The following FHIT variants were observed in gnomAD, a reference collection of about 807,000 sequenced individuals.
The protein encoded by FHIT is bis(5'-adenosyl)-triphosphatase.
FHIT carries 19 observed loss-of-function variants against 17.9 expected under a neutral mutation model. That is an observed-to-expected ratio of 1.06 (90% CI 0.74 to 1.56). FHIT has a LOEUF of 1.56. Among genes scored for constraint, FHIT ranks in the 40% most tolerant of loss-of-function variants. FHIT has a pLI of 0.00. For missense variants in FHIT, 248 were observed against 189.2 expected, an observed-to-expected ratio of 1.31 and a Z score of -1.82; for synonymous variants, 81 against 69.7, an observed-to-expected ratio of 1.16 and a Z score of -0.81.
chr3:60,338,521 T>C (rs1393291951), intron 5 of FHIT, among the ~76,000 whole-genome samples: 3 of 152,180 alleles, frequency 2.0e-5, no homozygotes, highest in Non-Finnish European at 4.4e-5. Context: ...TTTACATCCA[T>C]AGTATATATG....
chr3:61,197,435 A>G (rs1344558766), intron 2 of FHIT, among the ~76,000 whole-genome samples: 1 of 152,184 alleles, frequency 6.6e-6, no homozygotes, highest in Non-Finnish European at 1.5e-5. Flanking sequence ...CATGCTATTT[A>G]TTCACAGTAG....
In FHIT at chr3:59,747,485, G is replaced by A. The variant is rs982162300; in HGVS notation, c.*2100C>T. Among the ~76,000 whole-genome samples, 1 of 152,112 alleles carries A rather than the reference G, an allele frequency of 6.6e-6. No homozygotes were observed. Among genetic ancestry groups the A allele is most frequent in the African/African-American group, 2.4e-5 (1 of 41,430 alleles). On this transcript the variant is annotated 3_prime_UTR_variant, in exon 10 of 10. Coordinates refer to ENST00000492590, the MANE Select transcript of FHIT (RefSeq NM_002012.4). The stretch of plus-strand genomic sequence containing the variant: ...TCCCACTGGGTCCCTCCCATGACAT[G>A]TGGGGATTATGGGAGCTACAATTCA...
chr3:61,041,093 A>T (rs533460400), intron 3 of FHIT, among the ~76,000 whole-genome samples: 83 of 152,282 alleles, frequency 5.5e-4, no homozygotes, highest in African/African-American at 1.9e-3. Flanking sequence ...TAAAATTTTC[A>T]AGACTGGCTG....
At chr3:60,724,045 T>G (rs1409031779) in intron 4 of FHIT, among the ~76,000 whole-genome samples, 1 of 152,360 alleles carries the variant, frequency 6.6e-6, no homozygotes, top group Non-Finnish European at 1.5e-5. Context: ...ATTCAAGATT[T>G]ATATTCATAG....
chr3:60,831,792 C>T (rs745765718), intron 3 of FHIT, among the ~76,000 whole-genome samples: 14 of 152,090 alleles, frequency 9.2e-5, no homozygotes, highest in African/African-American at 1.4e-4. Context: ...GATTCAAACA[C>T]GATTTTTTTG....
intron 3 of FHIT, among the ~76,000 whole-genome samples, chr3:61,041,462 G>C (rs530714684): frequency 1.3e-5 from 2 of 151,394 alleles, no homozygotes; most frequent in Non-Finnish European, 2.9e-5. Flanking sequence ...CATTCCTCTT[G>C]GGTCTCTTGA....
intron 5 of FHIT, among the ~76,000 whole-genome samples, chr3:60,166,885 C>T (rs953739151): frequency 3.9e-5 from 6 of 152,250 alleles, no homozygotes; most frequent in Middle Eastern, 3.4e-3. Flanking sequence ...CAGCAAGGGC[C>T]TTCAGAAACT....
At chr3:60,204,306 G>C (rs974405050) in intron 5 of FHIT, among the ~76,000 whole-genome samples, 1 of 152,136 alleles carries the variant, frequency 6.6e-6, no homozygotes, top group East Asian at 1.9e-4. Context: ...GTCTCAGTCT[G>C]TCACCCAGGC....
chr3:60,870,958 G>C (rs1704390061), intron 3 of FHIT, among the ~76,000 whole-genome samples: 2 of 152,046 alleles, frequency 1.3e-5, no homozygotes, highest in African/African-American at 4.8e-5. Flanking sequence ...TGGACCCCTT[G>C]GAGCATTTCC....
intron 2 of FHIT, among the ~76,000 whole-genome samples, chr3:61,106,715 G>T (rs891169258): frequency 3.9e-5 from 6 of 152,268 alleles, no homozygotes; most frequent in East Asian, 1.9e-4. Context: ...AGGCTGGAGT[G>T]AAGTGGCGCA....
chr3:60,802,396 T>C (rs1306541985), intron 4 of FHIT, among the ~76,000 whole-genome samples: 1 of 152,216 alleles, frequency 6.6e-6, no homozygotes, highest in Non-Finnish European at 1.5e-5. Context: ...TACTGTCAGA[T>C]ACATCATAAA....
chr3:61,175,622 C>T (rs145313981), intron 2 of FHIT, among the ~76,000 whole-genome samples: 2,979 of 152,064 alleles, frequency 0.02, 39 homozygotes, highest in Middle Eastern at 0.037. Flanking sequence ...GTCATGAGGG[C>T]GAGGCTCTCA....
At chr3:60,178,492 A>T (rs1701781535) in intron 5 of FHIT, among the ~76,000 whole-genome samples, 1 of 152,106 alleles carries the variant, frequency 6.6e-6, no homozygotes, top group Non-Finnish European at 1.5e-5. Flanking sequence ...AGACTGAGGC[A>T]GCAGAATCAC....
intron 5 of FHIT, among the ~76,000 whole-genome samples, chr3:60,309,847 C>T (rs754910141): frequency 2.6e-5 from 4 of 152,148 alleles, no homozygotes; most frequent in Admixed American, 6.5e-5. Flanking sequence ...GTCGCTCCCA[C>T]AGCCACAATG....
intron 8 of FHIT, among the ~76,000 whole-genome samples, chr3:59,883,568 C>G (rs982902970): frequency 6.6e-6 from 1 of 152,232 alleles, no homozygotes; most frequent in Admixed American, 6.5e-5. Context: ...CAGGGTCCGT[C>G]TCACAACACA....
At chr3:60,168,208 A>C (rs1211056071) in intron 5 of FHIT, among the ~76,000 whole-genome samples, 2 of 152,190 alleles carry the variant, frequency 1.3e-5, no homozygotes, top group African/African-American at 4.8e-5. Flanking sequence ...TGTTGGATGA[A>C]TGAATGAAAC....
chr3:60,663,652 G>A (rs2040315049), intron 4 of FHIT, among the ~76,000 whole-genome samples: 1 of 151,956 alleles, frequency 6.6e-6, no homozygotes, highest in South Asian at 2.1e-4. Context: ...GGCCAGGCTG[G>A]TCTCAAACTC....
chr3:60,759,974 CCTT>C (rs2108050677), intron 4 of FHIT, among the ~76,000 whole-genome samples: 1 of 151,856 alleles, frequency 6.6e-6, no homozygotes, highest in Non-Finnish European at 1.5e-5. Context: ...TGCCTTTCTC[CCTT>C]CTTTTCTTTC....
At chr3:59,876,024 T>G (rs1032438949) in intron 8 of FHIT, among the ~76,000 whole-genome samples, 9 of 151,916 alleles carry the variant, frequency 5.9e-5, no homozygotes, top group Non-Finnish European at 1.2e-4. Flanking sequence ...TATTCCAGTA[T>G]AGAGACACAG....
Sources: gnomAD v4.1 joint callset for allele counts (sites outside exome capture counted in the v4.1 genomes callset) on GRCh38, gnomAD v4.1.1 for gene constraint, MANE v1.5 for transcripts, NCBI Gene and HGNC (gene_info 2026-07-23, HGNC 2026-07-21) for gene names.